RORA: variants seen among roughly 807,000 people sequenced by gnomAD.
RORA encodes RAR related orphan receptor A.
In RORA, 7 loss-of-function variants were observed where a neutral mutation model predicts 69.5. The ratio of observed to expected loss-of-function variants is 0.10; its 90% CI spans 0.06 to 0.19. The LOEUF (loss-of-function observed/expected upper bound fraction) is 0.19, where lower values mean the gene tolerates loss of function less well. Ranked by LOEUF, RORA falls within the 10% of genes least tolerant of loss-of-function variation. The pLI is 1.00. For synonymous variants in RORA, 261 were observed against 240.8 expected, an observed-to-expected ratio of 1.08 and a Z score of -0.78; for missense variants, 457 against 663.0, an observed-to-expected ratio of 0.69 and a Z score of 3.41.
chr15:60,842,173 G>A lies in RORA; in HGVS notation c.167-163487C>T, dbSNP rs141209407. ...CCTTCTCTACCACCCCAGGGCCGTC[G>A]TCCACTTTGCTTGGATACTGACAGA... On this transcript the variant is annotated intron_variant, in intron 1 of 10. Coordinates refer to ENST00000335670, the MANE Select transcript of RORA (RefSeq NM_134261.3). 5.0e-3 allele frequency among the ~76,000 whole-genome samples: 767 copies of A among 151,940 alleles called. 1 individual carries two copies. Among genetic ancestry groups the A allele is most frequent in the Non-Finnish European group, 8.4e-3 (572 of 67,978 alleles).
intron 1 of RORA, among the ~76,000 whole-genome samples, chr15:60,835,210 C>T (rs2073100534): frequency 6.6e-6 from 1 of 152,186 alleles, no homozygotes; most frequent in African/African-American, 2.4e-5. Context: ...GAACACTGCA[C>T]ACAAATTGCT....
rs1892944633 is a variant in RORA at position 60,947,850 on chromosome 15, G to A, written c.167-269164C>T. 3.3e-5 allele frequency among the ~76,000 whole-genome samples: 5 copies of A among 152,306 alleles called. No homozygotes were observed. In the South Asian group the frequency reaches 1.0e-3, roughly 32 times the overall value. ...CAAGGTATTGGGAAGAGTTGCAGCA[G>A]TAATGGCATCATTAACAGGCAGGGC... On this transcript the variant is annotated intron_variant, in intron 1 of 10. Transcript: ENST00000335670.
At chr15:60,898,959 T>C (rs1335474693) in intron 1 of RORA, among the ~76,000 whole-genome samples, 1 of 152,180 alleles carries the variant, frequency 6.6e-6, no homozygotes, top group African/African-American at 2.4e-5. Flanking sequence ...ATGGTAGATA[T>C]TCCCTTGAGC....
At chr15:60,806,946 GCCA>G (rs2072667616) in intron 1 of RORA, among the ~76,000 whole-genome samples, 1 of 152,084 alleles carries the variant, frequency 6.6e-6, no homozygotes, top group Non-Finnish European at 1.5e-5. Flanking sequence ...CAAACCCACA[GCCA>G]ACATTATACT....
intron 3 of RORA, among the ~76,000 whole-genome samples, chr15:60,515,063 G>A (rs2065819883): frequency 1.3e-5 from 2 of 152,294 alleles, no homozygotes; most frequent in South Asian, 4.1e-4. Context: ...CAAAAGCAAT[G>A]TGCCTGATGG....
chr15:60,927,438 C>T (rs55819168), intron 1 of RORA, among the ~76,000 whole-genome samples: 23 of 152,200 alleles, frequency 1.5e-4, no homozygotes, highest in Non-Finnish European at 2.5e-4. Context: ...GTCTTTGCAG[C>T]TTCCTCTTCC....
intron 1 of RORA, among the ~76,000 whole-genome samples, chr15:61,081,350 A>AACTAGATAC (rs1424682951): frequency 1.3e-5 from 2 of 152,244 alleles, no homozygotes; most frequent in Admixed American, 1.3e-4. Flanking sequence ...GAGGGAAATG[A>AACTAGATAC]ACTAGATACA....
At chr15:60,991,555 A>T (rs1894377929) in intron 1 of RORA, among the ~76,000 whole-genome samples, 1 of 69,416 alleles carries the variant, frequency 1.4e-5, no homozygotes, top group East Asian at 3.0e-4. Context: ...GGCTCAAAAG[A>T]TGAAAAAAGT....
chr15:60,830,347 T>C (rs2073025514), intron 1 of RORA, among the ~76,000 whole-genome samples: 1 of 152,216 alleles, frequency 6.6e-6, no homozygotes, highest in African/African-American at 2.4e-5. Context: ...TTTTTTTCTG[T>C]ATATAAAAAT....
At chr15:60,709,255 TCTA>T (rs1478297524) in intron 1 of RORA, among the ~76,000 whole-genome samples, 4 of 152,240 alleles carry the variant, frequency 2.6e-5, no homozygotes, top group Admixed American at 6.5e-5. Context: ...TCACTGAGTT[TCTA>T]CTATGTGCCT....
intron 1 of RORA, among the ~76,000 whole-genome samples, chr15:61,185,345 A>G (rs910974539): frequency 1.3e-5 from 2 of 151,910 alleles, no homozygotes; most frequent in Non-Finnish European, 2.9e-5. Context: ...ATGTTCAATA[A>G]GAGGACAAGA....
At chr15:61,015,514 C>T (rs527812251) in intron 1 of RORA, among the ~76,000 whole-genome samples, 3 of 152,110 alleles carry the variant, frequency 2.0e-5, no homozygotes, top group Non-Finnish European at 4.4e-5. Flanking sequence ...TGCTCACCTG[C>T]AATTTCTAAT....
intron 1 of RORA, among the ~76,000 whole-genome samples, chr15:60,999,303 A>AT (rs756775954): frequency 5.3e-5 from 8 of 152,114 alleles, no homozygotes; most frequent in Non-Finnish European, 1.0e-4. Context: ...CCCAGGCTCC[A>AT]TTTGAACATG....
At chr15:60,858,833 T>G (rs2140422542) in intron 1 of RORA, among the ~76,000 whole-genome samples, 1 of 152,254 alleles carries the variant, frequency 6.6e-6, no homozygotes, top group East Asian at 1.9e-4. Context: ...TTCAGCTGGC[T>G]TACAATACCC....
intron 1 of RORA, among the ~76,000 whole-genome samples, chr15:60,947,227 C>A (rs1436731956): frequency 1.3e-5 from 2 of 151,232 alleles, no homozygotes; most frequent in Non-Finnish European, 3.0e-5. Flanking sequence ...GCCATGATGA[C>A]GATGGCGGTT....
intron 2 of RORA, chr15:60,600,980 C>G: frequency 6.6e-6 from 1 of 152,094 alleles, no homozygotes; most frequent in Non-Finnish European, 1.5e-5. Flanking sequence ...GATGAGGAAA[C>G]TGGGGCACAG....
At chr15:60,632,296 C>T (rs1319066947) in intron 2 of RORA, among the ~76,000 whole-genome samples, 1 of 151,792 alleles carries the variant, frequency 6.6e-6, no homozygotes, top group African/African-American at 2.4e-5. Context: ...TTAGTAGAGA[C>T]GGGGGTTTCA....
chr15:60,764,804 T>C (rs2071956837), intron 1 of RORA: 2 of 152,248 alleles, frequency 1.3e-5, no homozygotes, highest in Non-Finnish European at 2.9e-5. Context: ...ATACCTTCCT[T>C]GCCAACCACA....
chr15:60,629,738 G>A (rs887673427), intron 2 of RORA, among the ~76,000 whole-genome samples: 3 of 152,208 alleles, frequency 2.0e-5, no homozygotes, highest in African/African-American at 7.2e-5. Flanking sequence ...CTAGGTGTGG[G>A]CTGCACAGAT....
Sources: gnomAD v4.1 joint callset for allele counts (sites outside exome capture counted in the v4.1 genomes callset) on GRCh38, gnomAD v4.1.1 for gene constraint, MANE v1.5 for transcripts, NCBI Gene and HGNC (gene_info 2026-07-23, HGNC 2026-07-21) for gene names.